The following DNAH5 variants were observed in gnomAD, a reference collection of about 807,000 sequenced individuals.
DNAH5 encodes dynein axonemal heavy chain 5, also known as axonemal beta dynein heavy chain 5.
In DNAH5, 372 loss-of-function variants were observed where a neutral mutation model predicts 518.2. The ratio of observed to expected loss-of-function variants is 0.72; its 90% CI spans 0.66 to 0.78. The LOEUF (loss-of-function observed/expected upper bound fraction) is 0.78, where lower values mean the gene tolerates loss of function less well. DNAH5 is among the 30% of genes least tolerant of loss of function. DNAH5 has a pLI of 0.00. For missense variants in DNAH5, 5,523 were observed against 5,687.0 expected (o/e 0.97, Z 0.93); for synonymous variants, 2,039 against 2,025.9 (o/e 1.01, Z -0.17).
Position 13,753,311 on chromosome 5 carries a change from AGAT to A in DNAH5, c.10791_10793del (p.Ser3598del). The A allele has an allele frequency of 6.2e-7, 1 of 1,614,018 alleles. No individual in the cohort carries two copies. Among genetic ancestry groups the A allele is most frequent in the South Asian group, 1.1e-5 (1 of 91,068 alleles). On this transcript the variant is annotated inframe_deletion, in exon 63 of 79. Transcript: ENST00000265104. The stretch of plus-strand genomic sequence containing the variant: ...GTGGATCAATTAACAAAGGGTAACG[AGAT>A]GCCTTCGTGACAATAATTCCATTTT...
rs1000445511 is a variant in DNAH5 at position 13,862,476 on chromosome 5, AT to A, written c.4796+71del. 5 of 1,447,756 alleles carry A rather than the reference AT, an allele frequency of 3.5e-6. No homozygotes were observed. In the African/African-American group the frequency reaches 7.0e-5, roughly 20 times the overall value. The allele number at this position is 1,447,756 out of a possible 1,614,324, so 89.7% of individuals were successfully genotyped here. The stretch of plus-strand genomic sequence containing the variant: ...TATATGAAGGCTATTATTGTAATGG[AT>A]TTTTCATTAATTTTAAATGTTTGCT... On this transcript the variant is annotated intron_variant, in intron 29 of 78. Transcript: ENST00000265104.
chr5:13,972,458 T>C (rs556979256), intron 1 of DNAH5, among the ~76,000 whole-genome samples: 1 of 152,202 alleles, frequency 6.6e-6, no homozygotes, highest in Non-Finnish European at 1.5e-5. Context: ...CAAGGACCCC[T>C]GTGAAACAAA....
chr5:13,846,794 A>G (rs1326654419), intron 31 of DNAH5, among the ~76,000 whole-genome samples: 1 of 152,238 alleles, frequency 6.6e-6, no homozygotes, highest in East Asian at 1.9e-4. Context: ...CACTTTGGAC[A>G]TGAGACAGCC....
intron 1 of DNAH5, among the ~76,000 whole-genome samples, chr5:13,992,453 C>T (rs759190648): frequency 6.6e-5 from 10 of 152,198 alleles, no homozygotes; most frequent in Non-Finnish European, 1.5e-4. Context: ...TCATTTGTAC[C>T]TAATTTTGCT....
At chr5:13,962,785 A>T (rs1403819164) in intron 1 of DNAH5, among the ~76,000 whole-genome samples, 2 of 152,230 alleles carry the variant, frequency 1.3e-5, no homozygotes, top group Non-Finnish European at 2.9e-5. Context: ...CAGGCCAAGG[A>T]CAGGGCCAAG....
chr5:13,819,188 G>A (rs1343825435), intron 41 of DNAH5, among the ~76,000 whole-genome samples: 1 of 152,216 alleles, frequency 6.6e-6, no homozygotes, highest in African/African-American at 2.4e-5. Flanking sequence ...AAAAATTTGA[G>A]AGGAAGAACA....
chr5:13,838,730 G>A (rs1005181860), intron 35 of DNAH5, among the ~76,000 whole-genome samples: 2 of 152,024 alleles, frequency 1.3e-5, no homozygotes, highest in African/African-American at 2.4e-5. Flanking sequence ...GAATCAACCC[G>A]AAACCATCAC....
chr5:13,769,739 A>G, intron 56 of DNAH5, 124 bp from the exon 57 acceptor site: 1 of 833,506 alleles, frequency 1.2e-6, no homozygotes, highest in Non-Finnish European at 2.0e-6. Context: ...CAAGTAGCAA[A>G]CCCAAGAGGG....
intron 35 of DNAH5, among the ~76,000 whole-genome samples, chr5:13,837,009 A>G (rs575714462): frequency 1.2e-4 from 18 of 152,330 alleles, no homozygotes; most frequent in South Asian, 2.1e-4. Flanking sequence ...ACCTAAGACA[A>G]TGGGGACCTG....
intron 1 of DNAH5, among the ~76,000 whole-genome samples, chr5:13,966,541 G>T (rs1781541756): frequency 6.6e-6 from 1 of 152,024 alleles, no homozygotes; most frequent in Admixed American, 6.5e-5. Context: ...TTGGTTTTTT[G>T]ATTATGGCCA....
At chr5:13,812,758 A>T (rs1231558227) in intron 43 of DNAH5, among the ~76,000 whole-genome samples, 2 of 152,222 alleles carry the variant, frequency 1.3e-5, no homozygotes, top group African/African-American at 4.8e-5. Flanking sequence ...GTATTAAGAA[A>T]CTGCATCTCA....
chr5:13,836,080 A>G (rs1427654293), intron 35 of DNAH5, among the ~76,000 whole-genome samples: 1 of 152,186 alleles, frequency 6.6e-6, no homozygotes, highest in Non-Finnish European at 1.5e-5. Flanking sequence ...CACAGGCTTC[A>G]GGGGTTCGGA....
chr5:13,876,624 C>T, intron 22 of DNAH5, 60 bp downstream of exon 22: 1 of 1,594,172 alleles, frequency 6.3e-7, no homozygotes, highest in Admixed American at 1.7e-5. Flanking sequence ...GTGATGTTCA[C>T]TTTCACACAA....
intron 1 of DNAH5, among the ~76,000 whole-genome samples, chr5:13,950,626 C>A (rs547522416): frequency 6.6e-6 from 1 of 152,134 alleles, no homozygotes; most frequent in Non-Finnish European, 1.5e-5. Flanking sequence ...TTCTCCCAAA[C>A]CTACACACAC....
intron 1 of DNAH5, among the ~76,000 whole-genome samples, chr5:13,961,370 A>C (rs1470307573): frequency 6.6e-6 from 1 of 152,186 alleles, no homozygotes; most frequent in Admixed American, 6.5e-5. Context: ...CGAGCCGGGC[A>C]TGGTGGCTCA....
In DNAH5 at chr5:13,886,102, G is replaced by A; in HGVS notation, c.2605C>T (p.Leu869=). 7.3e-7 allele frequency: 1 copy of A among 1,361,394 alleles called. No individual in the cohort carries two copies. 84.3% of individuals were successfully genotyped at this position (1,361,394 alleles called of 1,614,324 possible). Reference sequence around the variant, plus strand: ...TCCACTAATGAGCTTTTAAAATGTAGTATTTGTGCACCATTTACACAAAGA... The same window carrying A: ...TCCACTAATGAGCTTTTAAAATGTAATATTTGTGCACCATTTACACAAAGA... The part of the protein sequence containing the change: ...KDLCVNGAQI[L]HFKSSLVEEA... The change falls in exon 18 of 79, where the codon CTA becomes TTA. Residue 869 remains leucine, a synonymous_variant. Coordinates refer to ENST00000265104, the MANE Select transcript of DNAH5 (RefSeq NM_001369.3).
intron 15 of DNAH5, chr5:13,898,338 T>C (rs758507955): frequency 7.9e-6 from 3 of 379,874 alleles, no homozygotes; most frequent in Non-Finnish European, 1.4e-5. Flanking sequence ...AATTCCATAA[T>C]CTTATAATTA....
rs77874614 is a variant in DNAH5, at chr5:13,786,194, C to T, written c.8805G>A (p.Met2935Ile). 6.2e-7 allele frequency: 1 copy of T among 1,613,922 alleles called. No homozygotes were observed. ...GCTACTGTACCTTGACTAAGTGAAC[C>T]ATGGCATCTGCAAAGAACACCATGT... ...GMDMVFFADAMVHLVKISRVI... is the reference protein window; with the variant it reads ...GMDMVFFADAIVHLVKISRVI... The change falls in exon 52 of 79, where the codon ATG becomes ATA. Residue 2935 changes from methionine to isoleucine, a missense_variant. Met to Ile is a conservative substitution (Grantham distance 10). This residue lies in a region of DNAH5 where 5,121 missense variants were observed against 5,223.3 expected (regional missense o/e 0.98). Coordinates refer to ENST00000265104, the MANE Select transcript of DNAH5 (RefSeq NM_001369.3).
chr5:13,798,033 A>G (rs1023426136), intron 47 of DNAH5, among the ~76,000 whole-genome samples: 1 of 143,626 alleles, frequency 7.0e-6, no homozygotes, highest in Non-Finnish European at 1.5e-5. Flanking sequence ...GGCGAGGAAC[A>G]TCACACACTG....
Sources: gnomAD v4.1 joint callset for allele counts (sites outside exome capture counted in the v4.1 genomes callset) on GRCh38, gnomAD v4.1.1 for gene constraint, gnomAD v4.1.1 regional missense constraint, MANE v1.5 for transcripts, NCBI Gene and HGNC (gene_info 2026-07-23, HGNC 2026-07-21) for gene names.